ZNF407: variants seen among roughly 807,000 people sequenced by gnomAD.
The protein encoded by ZNF407 is zinc finger protein 407.
ZNF407 carries 17 observed loss-of-function variants against 131.2 expected under a neutral mutation model. The ratio of observed to expected loss-of-function variants is 0.13; its 90% CI spans 0.09 to 0.19. The LOEUF (loss-of-function observed/expected upper bound fraction) is 0.19. Among genes scored for constraint, ZNF407 ranks in the 10% least tolerant of loss-of-function variants. The pLI, the probability that ZNF407 is intolerant of heterozygous loss-of-function variation, is 1.00. For missense variants in ZNF407, 2,681 were observed against 2,830.6 expected (o/e 0.95, Z 1.20); for synonymous variants, 1,156 against 1,062.0 (o/e 1.09, Z -1.72).
At chr18:74,929,360 G>A (rs749107604) in intron 8 of ZNF407, among the ~76,000 whole-genome samples, 1 of 151,800 alleles carries the variant, frequency 6.6e-6, no homozygotes, top group South Asian at 2.1e-4. Context: ...TGCAGCCTTC[G>A]TGAACTGGAT....
chr18:75,021,939 T>C (rs2122204574), intron 8 of ZNF407, among the ~76,000 whole-genome samples: 1 of 151,908 alleles, frequency 6.6e-6, no homozygotes, highest in South Asian at 2.1e-4. Context: ...AAACAACACA[T>C]TAAAATTTTA....
At chr18:74,881,244 C>A in intron 6 of ZNF407, 125 bp downstream of exon 6, 1 of 732,130 alleles carries the variant, frequency 1.4e-6, no homozygotes, top group Non-Finnish European at 2.1e-6. Context: ...ACTTGAAGGT[C>A]TACAGATAAT....
At chr18:74,790,746 T>TTGTGAGTA (rs1387714055) in intron 4 of ZNF407, among the ~76,000 whole-genome samples, 1 of 152,202 alleles carries the variant, frequency 6.6e-6, no homozygotes, top group Non-Finnish European at 1.5e-5. Flanking sequence ...TACTGACTTT[T>TTGTGAGTA]TGTGAGCAGT....
At chr18:74,933,477 G>A (rs988080441) in intron 8 of ZNF407, among the ~76,000 whole-genome samples, 9 of 152,140 alleles carry the variant, frequency 5.9e-5, no homozygotes, top group African/African-American at 2.2e-4. Flanking sequence ...TGTAGAGACT[G>A]GTTGTGCAGC....
chr18:74,962,681 C>T (rs1282177955), intron 8 of ZNF407, among the ~76,000 whole-genome samples: 1 of 152,270 alleles, frequency 6.6e-6, no homozygotes, highest in Non-Finnish European at 1.5e-5. Flanking sequence ...ACAGCACCCT[C>T]TTCCCTCTCC....
At chr18:74,763,080 C>G (rs1969133480) in intron 3 of ZNF407, among the ~76,000 whole-genome samples, 1 of 151,772 alleles carries the variant, frequency 6.6e-6, no homozygotes, top group Non-Finnish European at 1.5e-5. Flanking sequence ...CGTAAACTTC[C>G]CAAAGCTTGC....
chr18:74,981,345 TC>T (rs897305858), intron 8 of ZNF407, among the ~76,000 whole-genome samples: 1 of 152,176 alleles, frequency 6.6e-6, no homozygotes, highest in African/African-American at 2.4e-5. Flanking sequence ...AAGCCGCAGC[TC>T]CAGGCCTCAG....
chr18:74,747,305 C>T lies in ZNF407; in HGVS notation c.4803-34123C>T, dbSNP rs192989691. ...AAAATACCTTGCATCCAGTCATTTCCGGAAGGGAATTACATGGTATTCATA... is the reference window on the plus strand; with the variant it reads ...AAAATACCTTGCATCCAGTCATTTCTGGAAGGGAATTACATGGTATTCATA... On this transcript the variant is annotated intron_variant, in intron 3 of 8. Coordinates refer to ENST00000299687, the MANE Select transcript of ZNF407 (RefSeq NM_017757.3). 1.1e-4 allele frequency among the ~76,000 whole-genome samples: 17 copies of T among 152,096 alleles called. No homozygotes were observed. In the East Asian group the frequency reaches 1.2e-3, roughly 10 times the overall value.
intron 3 of ZNF407, among the ~76,000 whole-genome samples, chr18:74,685,655 T>G (rs1385097880): frequency 6.6e-6 from 1 of 152,198 alleles, no homozygotes; most frequent in East Asian, 1.9e-4. Context: ...TCACATGAGC[T>G]TTTTGCTCCT....
chr18:74,902,646 G>A (rs1344410030), intron 7 of ZNF407, among the ~76,000 whole-genome samples: 1 of 152,072 alleles, frequency 6.6e-6, no homozygotes, highest in Non-Finnish European at 1.5e-5. Flanking sequence ...TTCTTCAAAG[G>A]TGATCACAGA....
chr18:75,007,017 C>T (rs1972918698), intron 8 of ZNF407, among the ~76,000 whole-genome samples: 1 of 151,916 alleles, frequency 6.6e-6, no homozygotes, highest in Non-Finnish European at 1.5e-5. Flanking sequence ...TTAGTAGTCA[C>T]ATGATGCCTC....
At chr18:74,844,282 C>G (rs935078904) in intron 4 of ZNF407, among the ~76,000 whole-genome samples, 1 of 152,194 alleles carries the variant, frequency 6.6e-6, no homozygotes, top group Non-Finnish European at 1.5e-5. Context: ...GGACGGTGAA[C>G]CCCTCTGTGA....
intron 7 of ZNF407, among the ~76,000 whole-genome samples, chr18:74,890,860 C>T (rs1446098809): frequency 6.6e-6 from 1 of 152,102 alleles, no homozygotes; most frequent in East Asian, 1.9e-4. Flanking sequence ...CCAGTTATTT[C>T]CAGGACCCAA....
intron 3 of ZNF407, among the ~76,000 whole-genome samples, chr18:74,700,179 T>C (rs892420718): frequency 6.6e-6 from 1 of 152,264 alleles, no homozygotes; most frequent in African/African-American, 2.4e-5. Context: ...TTTAATATTC[T>C]GCTATTTTCT....
At chr18:74,641,547 A>G (rs962513478) in intron 3 of ZNF407, among the ~76,000 whole-genome samples, 1 of 152,186 alleles carries the variant, frequency 6.6e-6, no homozygotes, top group Admixed American at 6.5e-5. Context: ...TTCTGTAAGG[A>G]AAGCAACAAA....
At position 74,632,792 on chromosome 18, in the gene ZNF407, G is replaced by A. The variant is rs767656378; in HGVS notation, c.1773G>A (p.Gln591=). The A allele has an allele frequency of 1.2e-6, 2 of 1,613,980 alleles. No homozygotes were observed. The highest frequency in any genetic ancestry group is 2.2e-5 in the South Asian group (2 of 91,084). The change falls in exon 2 of 9, where the codon CAG becomes CAA. Residue 591 remains glutamine (Q), a synonymous_variant. Coordinates refer to ENST00000299687, the MANE Select transcript of ZNF407 (RefSeq NM_017757.3). ...HQQTASVLSC[Q]CCSFISLDEI... ...AAACTGCTTCTGTCCTGAGTTGTCA[G>A]TGTTGTTCATTTATATCCTTGGATG...
intron 4 of ZNF407, among the ~76,000 whole-genome samples, chr18:74,812,006 A>G (rs1970204202): frequency 6.7e-6 from 1 of 148,164 alleles, no homozygotes; most frequent in Non-Finnish European, 1.5e-5. Context: ...CATTGTGCAC[A>G]TGTACCCTAA....
chr18:74,716,447 C>T (rs142885859), intron 3 of ZNF407, among the ~76,000 whole-genome samples: 2 of 152,196 alleles, frequency 1.3e-5, no homozygotes, highest in African/African-American at 2.4e-5. Context: ...TTAATGGAGG[C>T]GGGTTCACAA....
chr18:74,755,885 C>CT lies in ZNF407; in HGVS notation c.4803-25517dup, dbSNP rs34750560. Among the ~76,000 whole-genome samples, 168 of 25,832 alleles carry CT rather than the reference C, an allele frequency of 6.5e-3. 60 individuals are homozygous for CT. Among genetic ancestry groups the CT allele is most frequent in the African/African-American group, 0.024 (119 of 5,002 alleles). 16.9% of individuals were successfully genotyped at this position (25,832 alleles called of 152,430 possible). A position where few individuals can be genotyped will look rare whatever the true frequency, so the allele number is the denominator to read the frequency against. On this transcript the variant is annotated intron_variant, in intron 3 of 8. Transcript: ENST00000299687. ...CCTTCCTTCCTTCCTCTTTTCCTTC[C>CT]TTTTTTTTTTTTTTTTTTTTTTTTT...
Sources: allele counts gnomAD v4.1 joint callset (sites outside exome capture counted in the v4.1 genomes callset), GRCh38; gene constraint gnomAD v4.1.1; transcripts MANE v1.5; gene names NCBI Gene and HGNC (gene_info 2026-07-23, HGNC 2026-07-21).